Variants in PEAK1 observed in about 807,000 individuals in gnomAD.
PEAK1 encodes pseudopodium enriched atypical kinase 1.
PEAK1 carries 54 observed loss-of-function variants against 124.7 expected under a neutral mutation model. The observed-to-expected ratio is 0.43, with a 90% CI of 0.35 to 0.54. The LOEUF is 0.54. Ranked by LOEUF, PEAK1 falls within the 20% of genes least tolerant of loss-of-function variation. The pLI is 0.01. For synonymous variants in PEAK1, 719 were observed against 760.0 expected (o/e 0.95, Z 0.89); for missense variants, 2,046 against 2,134.5 (o/e 0.96, Z 0.82).
intron 8 of PEAK1, among the ~76,000 whole-genome samples, chr15:77,147,094 G>A (rs2054228320): frequency 6.6e-6 from 1 of 152,156 alleles, no homozygotes; most frequent in African/African-American, 2.4e-5. Context: ...CTATAGAAAG[G>A]AAACAGAGGC....
At chr15:77,138,141 T>A (rs1333176672) in intron 8 of PEAK1, among the ~76,000 whole-genome samples, 3 of 152,206 alleles carry the variant, frequency 2.0e-5, no homozygotes, top group African/African-American at 7.2e-5. Flanking sequence ...CCTTCTTTTG[T>A]AAATTGCCCA....
chr15:77,357,693 T>C (rs1448756749), intron 2 of PEAK1, among the ~76,000 whole-genome samples: 2 of 152,254 alleles, frequency 1.3e-5, no homozygotes, highest in Admixed American at 1.3e-4. Context: ...AGTGCTAATG[T>C]TAGTTTCTTT....
chr15:77,252,079 C>T (rs1244127852), intron 6 of PEAK1, among the ~76,000 whole-genome samples: 1 of 152,236 alleles, frequency 6.6e-6, no homozygotes, highest in East Asian at 1.9e-4. Flanking sequence ...CTAAGCTCTG[C>T]TTTAGGGCTC....
At chr15:77,393,203 G>T (rs1485647933) in intron 1 of PEAK1, among the ~76,000 whole-genome samples, 1 of 152,190 alleles carries the variant, frequency 6.6e-6, no homozygotes, top group Non-Finnish European at 1.5e-5. Flanking sequence ...AGGCCACAAG[G>T]ACTGCAATTC....
chr15:77,115,220 G>A lies in PEAK1; in HGVS notation c.4177C>T (p.His1393Tyr), dbSNP rs377371339. 6.2e-7 allele frequency: 1 copy of A among 1,614,038 alleles called. No homozygotes were observed. Among genetic ancestry groups the A allele is most frequent in the African/African-American group, 1.3e-5 (1 of 74,924 alleles). ...CGGTTAGGGACTTCAGCAAGGAAAT[G>A]ACCACAGTCCTGCTGAATGTTAAAA... ...VHFNIQQDCG[H>Y]FLAEVPNRLL... The change falls in exon 10 of 10, where the codon CAT becomes TAT. Residue 1393 changes from histidine to tyrosine, a missense_variant. By Grantham distance (83) the His-to-Tyr change is moderately conservative (BLOSUM62 2). Coordinates refer to ENST00000682557, the MANE Select transcript of PEAK1 (RefSeq NM_001385026.1).
Position 77,113,983 on chromosome 15 carries a change from T to C in PEAK1, c.*173A>G, listed in dbSNP as rs1159335010. ...GTAAAGTTAAGACAGACTCAGCTTC[T>C]CATTCAATCTGGGGCAGTGGATAAC... On this transcript the variant is annotated 3_prime_UTR_variant, in exon 10 of 10. Coordinates refer to ENST00000682557, the MANE Select transcript of PEAK1 (RefSeq NM_001385026.1). The C allele has an allele frequency of 4.5e-6, 3 of 663,968 alleles. No individual in the cohort carries two copies. 41.1% of individuals were successfully genotyped at this position (663,968 alleles called of 1,614,324 possible). A position where few individuals can be genotyped will look rare whatever the true frequency, so the allele number is the denominator to read the frequency against.
intron 6 of PEAK1, among the ~76,000 whole-genome samples, chr15:77,243,960 CTCTT>C (rs998750148): frequency 6.7e-6 from 1 of 150,280 alleles, no homozygotes; most frequent in Non-Finnish European, 1.5e-5. Flanking sequence ...AGAAGTGAAA[CTCTT>C]TCTCAAAATA....
Position 77,353,808 on chromosome 15 carries a change from G to A in PEAK1, c.-603+11355C>T, listed in dbSNP as rs549486136. Among the ~76,000 whole-genome samples, 3 of 152,322 alleles carry A rather than the reference G, an allele frequency of 2.0e-5. No homozygotes were observed. In the South Asian group the frequency reaches 6.2e-4, roughly 32 times the overall value. ...TATTTCTCATCCACAATGTCTCCCA[G>A]CAGAGAATGCTCAAAGTAAGAAAAG... On this transcript the variant is annotated intron_variant, in intron 2 of 9. Transcript: ENST00000682557.
At chr15:77,339,654 T>C (rs906870845) in intron 2 of PEAK1, among the ~76,000 whole-genome samples, 1 of 152,142 alleles carries the variant, frequency 6.6e-6, no homozygotes, top group Non-Finnish European at 1.5e-5. Flanking sequence ...AAAAACAAAC[T>C]GGTAAGTTGG....
chr15:77,116,230 C>T (rs536548189), intron 9 of PEAK1, among the ~76,000 whole-genome samples: 5 of 152,228 alleles, frequency 3.3e-5, no homozygotes, highest in East Asian at 1.9e-4. Flanking sequence ...AGAGGCTGAC[C>T]GTGGAAGACT....
intron 1 of PEAK1, among the ~76,000 whole-genome samples, chr15:77,369,558 G>T (rs1419011699): frequency 6.6e-6 from 1 of 152,120 alleles, no homozygotes; most frequent in African/African-American, 2.4e-5. Context: ...GCTAAGAATG[G>T]TTTTTACGTA....
At position 77,179,755 on chromosome 15, in the gene PEAK1, A is replaced by G. The variant is rs1385712787; in HGVS notation, c.2172T>C (p.Tyr724=). Residue 724 remains tyrosine (Y), a synonymous_variant, in exon 7 of 10, where the codon TAT becomes TAC. Transcript: ENST00000682557. ...NRGQSSPQRS[Y]SSSHSSPAKI... is the part of the protein sequence containing the mutation. Reference sequence around the variant, plus strand: ...TTGCTGGGGAGCTGTGGCTGGAACTATAGCTTCTCTGTGGTGAAGACTGAC... The same window carrying G: ...TTGCTGGGGAGCTGTGGCTGGAACTGTAGCTTCTCTGTGGTGAAGACTGAC... The G allele has an allele frequency of 6.2e-7, 1 of 1,614,070 alleles. No individual in the cohort carries two copies.
chr15:77,247,241 T>A (rs1230013864), intron 6 of PEAK1, among the ~76,000 whole-genome samples: 1 of 152,128 alleles, frequency 6.6e-6, no homozygotes, highest in Non-Finnish European at 1.5e-5. Context: ...TTTGCTTAAC[T>A]GAACTTGCTA....
chr15:77,375,813 G>C (rs1414167379), intron 1 of PEAK1, among the ~76,000 whole-genome samples: 1 of 152,026 alleles, frequency 6.6e-6, no homozygotes, highest in Non-Finnish European at 1.5e-5. Context: ...GGCTAACACG[G>C]TGAAACCCTG....
At chr15:77,406,076 T>G (rs1213377398) in intron 1 of PEAK1, among the ~76,000 whole-genome samples, 1 of 152,218 alleles carries the variant, frequency 6.6e-6, no homozygotes, top group Non-Finnish European at 1.5e-5. Context: ...TAGATTTTTA[T>G]AGGTTTTTTG....
intron 1 of PEAK1, chr15:77,403,714 G>A: frequency 2.1e-6 from 2 of 930,682 alleles, no homozygotes; most frequent in Non-Finnish European, 2.6e-6. Context: ...AGAAAAAAGG[G>A]CAGGATTATC....
In PEAK1 at chr15:77,114,090, G is replaced by C. The variant is rs1596218868; in HGVS notation, c.*66C>G. The C allele has an allele frequency of 6.7e-7, 1 of 1,502,956 alleles. No homozygotes were observed. Among genetic ancestry groups the C allele is most frequent in the East Asian group, 2.3e-5 (1 of 44,144 alleles). The allele number at this position is 1,502,956 out of a possible 1,614,324, so 93.1% of individuals were successfully genotyped here. On this transcript the variant is annotated 3_prime_UTR_variant, in exon 10 of 10. Coordinates refer to ENST00000682557, the MANE Select transcript of PEAK1 (RefSeq NM_001385026.1). The stretch of plus-strand genomic sequence containing the variant: ...TCCTTGAATTTGGAGTGAGCACTAG[G>C]GAGGGGAAGTGCATGGGTGACATGA...
intron 1 of PEAK1, chr15:77,418,210 C>T: frequency 1.0e-6 from 1 of 985,278 alleles, no homozygotes; most frequent in Non-Finnish European, 1.2e-6. Flanking sequence ...CTTTTTCTTT[C>T]ACCAAAACAC....
chr15:77,419,394 G>A (rs976946560), intron 1 of PEAK1: 2 of 985,166 alleles, frequency 2.0e-6, no homozygotes, highest in African/African-American at 1.7e-5. Flanking sequence ...GGGCAGAAAA[G>A]AAAAAAACTG....
Sources: allele counts gnomAD v4.1 joint callset (sites outside exome capture counted in the v4.1 genomes callset), GRCh38; gene constraint gnomAD v4.1.1; transcripts MANE v1.5; gene names NCBI Gene and HGNC (gene_info 2026-07-23, HGNC 2026-07-21).